Variants in RIMKLB observed in about 807,000 individuals in gnomAD.
The protein encoded by RIMKLB is ribosomal modification protein rimK like family member B, also known as beta-citrylglutamate synthase B.
In RIMKLB, 7 loss-of-function variants were observed where a neutral mutation model predicts 32.0. The ratio of observed to expected loss-of-function variants is 0.22; its 90% CI spans 0.12 to 0.41. RIMKLB has a LOEUF of 0.41. RIMKLB is among the 10% of genes least tolerant of loss of function. The pLI, the probability that RIMKLB is intolerant of heterozygous loss-of-function variation, is 1.00. For missense variants in RIMKLB, 289 were observed against 498.7 expected (o/e 0.58, Z 4.00); for synonymous variants, 172 against 185.1 (o/e 0.93, Z 0.57).
At chr12:8,707,288 T>C (rs1943970119) in intron 1 of RIMKLB, among the ~76,000 whole-genome samples, 1 of 152,198 alleles carries the variant, frequency 6.6e-6, no homozygotes, top group African/African-American at 2.4e-5. Context: ...TGACTGGCTT[T>C]AAGTTGGAGT....
At chr12:8,733,025 ATTG>A (rs1392065094) in intron 2 of RIMKLB, among the ~76,000 whole-genome samples, 2 of 152,176 alleles carry the variant, frequency 1.3e-5, no homozygotes, top group African/African-American at 4.8e-5. Flanking sequence ...GATGACGTTT[ATTG>A]TTGTTTTTCT....
At position 8,749,940 on chromosome 12, in the gene RIMKLB, G is replaced by A. The variant is rs1329260523; in HGVS notation, c.254G>A (p.Ser85Asn). The change falls in exon 3 of 6, where the codon AGT (serine) becomes AAT (asparagine). Residue 85 changes from serine to asparagine, a missense_variant. By Grantham distance (46) the Ser-to-Asn change is conservative. Around this residue, in one of 3 missense-constraint regions of RIMKLB, gnomAD observed 156 missense variants for 329.5 expected, o/e 0.47. Transcript: ENST00000535829. ...VVRVPTPWVQ[S>N]DSDITVLRHL... ...AGAGTACCAACCCCTTGGGTGCAAAGTGATAGTGACATCACTGTTTTGCGC... is the reference window on the plus strand; with the variant it reads ...AGAGTACCAACCCCTTGGGTGCAAAATGATAGTGACATCACTGTTTTGCGC... The A allele has an allele frequency of 1.2e-5, 20 of 1,613,748 alleles. No homozygotes were observed. Among genetic ancestry groups the A allele is most frequent in the Non-Finnish European group, 1.6e-5 (19 of 1,179,820 alleles).
intron 2 of RIMKLB, among the ~76,000 whole-genome samples, chr12:8,724,386 C>G (rs1945777100): frequency 6.6e-6 from 1 of 151,960 alleles, no homozygotes; most frequent in Non-Finnish European, 1.5e-5. Context: ...ATCTCCATTT[C>G]TTTAGGATCA....
Position 8,774,959 on chromosome 12 carries a change from G to T in RIMKLB, c.*1175G>T, listed in dbSNP as rs773837100. ...ATCAAAAAGGATAATTTAGAAAATG[G>T]AGCATGATGGGAAACAGAGTTTTTG... On this transcript the variant is annotated 3_prime_UTR_variant, in exon 6 of 6. Transcript: ENST00000535829. The T allele has an allele frequency of 1.0e-6, 1 of 985,740 alleles. No individual in the cohort carries two copies. The highest frequency in any genetic ancestry group is 1.1e-4 in the East Asian group (1 of 8,814). The allele number at this position is 985,740 out of a possible 1,614,324, so 61.1% of individuals were successfully genotyped here. A position where few individuals can be genotyped will look rare whatever the true frequency, so the allele number is the denominator to read the frequency against.
intron 5 of RIMKLB, among the ~76,000 whole-genome samples, chr12:8,765,435 C>T (rs757549986): frequency 6.6e-6 from 1 of 152,284 alleles, no homozygotes; most frequent in Non-Finnish European, 1.5e-5. Context: ...TCACCAAACT[C>T]TCGGGCTGCA....
chr12:8,669,326 CT>C, the RIMKLB span, among the ~76,000 whole-genome samples: 1 of 152,118 alleles, frequency 6.6e-6, no homozygotes, highest in South Asian at 2.1e-4. Context: ...TATGAGGGAT[CT>C]CACCCCATGA....
At chr12:8,717,310 C>T (rs1433955948) in intron 2 of RIMKLB, among the ~76,000 whole-genome samples, 1 of 152,114 alleles carries the variant, frequency 6.6e-6, no homozygotes, top group Admixed American at 6.6e-5. Context: ...AATTATATCT[C>T]AAAGCCGTTT....
At chr12:8,704,060 A>C (rs1943638984) in intron 1 of RIMKLB, among the ~76,000 whole-genome samples, 1 of 152,222 alleles carries the variant, frequency 6.6e-6, no homozygotes, top group East Asian at 1.9e-4. Context: ...ACATTATTAT[A>C]TACAGATTAA....
chr12:8,673,779 T>G, the RIMKLB span, among the ~76,000 whole-genome samples: 1 of 151,988 alleles, frequency 6.6e-6, no homozygotes, highest in Non-Finnish European at 1.5e-5. Context: ...TATTTTTTAG[T>G]AGAGATGGGG....
the RIMKLB span, among the ~76,000 whole-genome samples, chr12:8,675,698 C>CT: frequency 2.6e-5 from 4 of 152,104 alleles, no homozygotes; most frequent in African/African-American, 7.2e-5. Context: ...AGGATTACAA[C>CT]TTTTTTTAGA....
intron 1 of RIMKLB, among the ~76,000 whole-genome samples, chr12:8,705,953 A>G (rs1264112494): frequency 6.6e-6 from 1 of 152,130 alleles, no homozygotes; most frequent in African/African-American, 2.4e-5. Flanking sequence ...ATGGAGGGTA[A>G]TTTCCTTTAC....
At chr12:8,689,137 T>C (rs1309117691) in intron 1 of RIMKLB, among the ~76,000 whole-genome samples, 1 of 152,196 alleles carries the variant, frequency 6.6e-6, no homozygotes, top group East Asian at 1.9e-4. Flanking sequence ...CACCCGGCCA[T>C]GCATGACATA....
chr12:8,723,889 A>T (rs1945724937), intron 2 of RIMKLB, among the ~76,000 whole-genome samples: 1 of 134,632 alleles, frequency 7.4e-6, no homozygotes, highest in Non-Finnish European at 1.5e-5. Context: ...GTCCTGGCTC[A>T]CTGCAACCTC....
intron 1 of RIMKLB, among the ~76,000 whole-genome samples, chr12:8,711,423 G>A (rs1330518382): frequency 2.0e-5 from 3 of 151,994 alleles, no homozygotes; most frequent in Non-Finnish European, 4.4e-5. Context: ...ATCTGCAAAC[G>A]GATGAGTTTC....
intron 2 of RIMKLB, among the ~76,000 whole-genome samples, chr12:8,748,048 C>T (rs1330161159): frequency 6.6e-6 from 1 of 152,048 alleles, no homozygotes; most frequent in Non-Finnish European, 1.5e-5. Flanking sequence ...GAGCCACCAC[C>T]CAGCCAATAA....
intron 1 of RIMKLB, among the ~76,000 whole-genome samples, chr12:8,698,894 C>T (rs1943122785): frequency 6.6e-6 from 1 of 152,074 alleles, no homozygotes. Context: ...AATTGCTTGT[C>T]CAGTTTTGAT....
downstream of RIMKLB, chr12:8,779,514 C>T (rs2159889): frequency 0.058 from 8,896 of 152,236 alleles, 826 homozygotes; most frequent in African/African-American, 0.2. Flanking sequence ...GGTTTGAGAT[C>T]GGGGGAAGGA....
chr12:8,683,265 G>A (rs928726570), intron 1 of RIMKLB, among the ~76,000 whole-genome samples: 25 of 152,250 alleles, frequency 1.6e-4, no homozygotes, highest in African/African-American at 5.8e-4. Context: ...CCTCTCCTAT[G>A]GATGAATACC....
chr12:8,715,960 A>G (rs766282871), intron 2 of RIMKLB, among the ~76,000 whole-genome samples: 1 of 152,320 alleles, frequency 6.6e-6, no homozygotes, highest in South Asian at 2.1e-4. Context: ...GTAAGTGTGT[A>G]TGTACAGTTA....
Sources: gnomAD v4.1 joint callset for allele counts (sites outside exome capture counted in the v4.1 genomes callset) on GRCh38, gnomAD v4.1.1 for gene constraint, gnomAD v4.1.1 regional missense constraint, MANE v1.5 for transcripts, NCBI Gene and HGNC (gene_info 2026-07-23, HGNC 2026-07-21) for gene names.